FAT2: variants seen among roughly 807,000 people sequenced by gnomAD.
FAT2 encodes the protein FAT atypical cadherin 2, also known as protocadherin Fat 2.
Under a neutral mutation model 295.3 loss-of-function variants are expected in FAT2, and 150 were observed. The ratio of observed to expected loss-of-function variants is 0.51; its 90% CI spans 0.44 to 0.58. The LOEUF is 0.58. FAT2 is among the 20% of genes least tolerant of loss of function. The pLI is 0.00. For synonymous variants in FAT2, 2,026 were observed against 2,150.3 expected (o/e 0.94, Z 1.60); for missense variants, 4,868 against 5,442.7 (o/e 0.89, Z 3.32).
Position 151,551,470 on chromosome 5 carries a change from T to C in FAT2, c.4293A>G (p.Thr1431=), listed in dbSNP as rs1757208313. The part of the protein sequence containing the change: ...EVTDGSRTIA[T]QVHIFMIANI... ...GTCCCCAGCCGAGGCCTCTAACCTG[T>C]GTGGCAATGGTGCGGGACCCATCTG... Residue 1431 remains threonine (T), a synonymous_variant, in exon 7 of 24, where the codon ACA becomes ACG. Coordinates refer to ENST00000261800, the MANE Select transcript of FAT2 (RefSeq NM_001447.3). The C allele has an allele frequency of 7.4e-6, 12 of 1,614,062 alleles. No individual in the cohort carries two copies. The highest frequency in any genetic ancestry group is 1.0e-5 in the Non-Finnish European group (12 of 1,180,012).
chr5:151,538,557 G>A (rs1561844065), intron 11 of FAT2, among the ~76,000 whole-genome samples: 1 of 152,226 alleles, frequency 6.6e-6, no homozygotes, highest in Admixed American at 6.5e-5. Flanking sequence ...AGCTCCCTGA[G>A]AATTCAATTT....
At chr5:151,548,913 C>T (rs1756921634) in intron 9 of FAT2, among the ~76,000 whole-genome samples, 2 of 152,154 alleles carry the variant, frequency 1.3e-5, no homozygotes, top group African/African-American at 2.4e-5. Flanking sequence ...GGAGCCTTAT[C>T]AGAAAATAAA....
At chr5:151,516,740 A>G (rs576448802) in intron 20 of FAT2, among the ~76,000 whole-genome samples, 3 of 152,330 alleles carry the variant, frequency 2.0e-5, no homozygotes, top group African/African-American at 4.8e-5. Context: ...CCTGTCACAT[A>G]GTAGATGCTC....
chr5:151,540,846 G>T, intron 10 of FAT2, 83 bp from the exon 11 acceptor site: 1 of 1,250,600 alleles, frequency 8.0e-7, no homozygotes, highest in Non-Finnish European at 1.1e-6. Context: ...CCCATTGGAT[G>T]CATTTTTTAG....
chr5:151,563,977 C>T (rs927817495), intron 2 of FAT2, among the ~76,000 whole-genome samples: 1 of 152,226 alleles, frequency 6.6e-6, no homozygotes, highest in East Asian at 1.9e-4. Context: ...ATCTATTTCA[C>T]ATTCTGTAAG....
chr5:151,582,373 C>A (rs951538489), intron 1 of FAT2, among the ~76,000 whole-genome samples: 4 of 152,188 alleles, frequency 2.6e-5, no homozygotes, highest in African/African-American at 9.7e-5. Flanking sequence ...TGTTCTCATC[C>A]GCAAAGCTGG....
chr5:151,593,433 C>T (rs921055617), upstream of FAT2, among the ~76,000 whole-genome samples: 3 of 152,126 alleles, frequency 2.0e-5, no homozygotes, highest in Non-Finnish European at 4.4e-5. Context: ...ATCCCCTTCT[C>T]CCCGGCTCCC....
chr5:151,560,379 A>G (rs555747437), intron 3 of FAT2, among the ~76,000 whole-genome samples: 1 of 152,356 alleles, frequency 6.6e-6, no homozygotes, highest in South Asian at 2.1e-4. Context: ...GTCATTATTT[A>G]TAAGCGGTGG....
At chr5:151,514,086 A>T (rs1001440635) in intron 20 of FAT2, among the ~76,000 whole-genome samples, 3 of 152,190 alleles carry the variant, frequency 2.0e-5, no homozygotes, top group African/African-American at 7.2e-5. Context: ...GATCTAACCC[A>T]GTGTTTCTTA....
In FAT2 at chr5:151,549,352, G is replaced by A. The variant is rs1415350317; in HGVS notation, c.4732C>T (p.Arg1578Ter). ...IAPGTELLQV[R>*]AMDADRGVNA... ...ACTCCCCGGTCAGCATCCATGGCTC[G>A]GACCTGCAGCAGCTCTGTGCCGGGG... is the stretch of plus-strand genomic sequence containing the variant. Residue 1578 changes from arginine (R) to a stop codon, truncating the protein, a stop_gained, in exon 9 of 24, where the codon CGA (arginine) becomes TGA (stop). Transcript: ENST00000261800. LOFTEE classifies it high-confidence loss of function. 4.3e-6 allele frequency: 7 copies of A among 1,613,900 alleles called. No individual in the cohort carries two copies. Among genetic ancestry groups the A allele is most frequent in the Non-Finnish European group, 5.9e-6 (7 of 1,180,016 alleles).
chr5:151,551,630 C>T (rs768728921), intron 6 of FAT2, 24 bp from the exon 7 acceptor site: 35 of 1,613,110 alleles, frequency 2.2e-5, no homozygotes, highest in Non-Finnish European at 2.9e-5. Context: ...GGGGAGAAAG[C>T]ACACACAACC....
In FAT2 at chr5:151,531,503, G is replaced by A. The variant is rs2127590707; in HGVS notation, c.9811+84C>T. 6.4e-7 allele frequency: 1 copy of A among 1,562,190 alleles called. No homozygotes were observed. ...TCTGCTCTGGGAGGCGCTGCACAGG[G>A]TAGATACCCACACAGGGGAGGAACC... On this transcript the variant is annotated intron_variant, in intron 14 of 23. Coordinates refer to ENST00000261800, the MANE Select transcript of FAT2 (RefSeq NM_001447.3). This position sits in a 1 kb window ranked among gnomAD's most constrained non-coding sequence, Gnocchi z 5.7.
At chr5:151,581,071 C>A (rs1253680287) in intron 1 of FAT2, among the ~76,000 whole-genome samples, 1 of 152,166 alleles carries the variant, frequency 6.6e-6, no homozygotes, top group African/African-American at 2.4e-5. Flanking sequence ...GAGGTGGAGT[C>A]GCTACAGTCA....
In FAT2 at chr5:151,507,155, C is replaced by T. The variant is rs575183690; in HGVS notation, c.12516G>A (p.Met4172Ile). The T allele has an allele frequency of 6.3e-7, 1 of 1,575,840 alleles. No homozygotes were observed. Among genetic ancestry groups the T allele is most frequent in the African/African-American group, 1.3e-5 (1 of 74,240 alleles). ...VIKRTWSSEEMVYPGGAMVWP... is the reference protein window; with the variant it reads ...VIKRTWSSEEIVYPGGAMVWP... The stretch of plus-strand genomic sequence containing the variant: ...CTAAGCGTCTCTGGCTATACTGACC[C>T]ATCTCCTCGCTGGACCAGGTTCTCT... Residue 4172 changes from methionine (M) to isoleucine (I), a missense_variant and splice_region_variant, in exon 23 of 24, where the codon ATG (methionine) becomes ATA (isoleucine). Physicochemically the swap from Met to Ile is conservative, Grantham distance 10. This residue lies in a region of FAT2 where 492 missense variants were observed against 482.6 expected (regional missense o/e 1.02). Transcript: ENST00000261800.
chr5:151,529,169 G>T lies in FAT2; in HGVS notation c.10026+9C>A. ...TTGTCCCACAAAGAGCAAGGTGGCA[G>T]ATCCTTACCGTGAGGATGACGTCAC... On this transcript the variant is annotated intron_variant, in intron 15 of 23. Transcript: ENST00000261800. 6.2e-7 allele frequency: 1 copy of T among 1,613,226 alleles called. No individual in the cohort carries two copies.
intron 1 of FAT2, among the ~76,000 whole-genome samples, chr5:151,580,598 C>A (rs1046608351): frequency 6.6e-6 from 1 of 152,180 alleles, no homozygotes; most frequent in Admixed American, 6.5e-5. Flanking sequence ...CACGCGTGCT[C>A]GCACACACAC....
intron 1 of FAT2, among the ~76,000 whole-genome samples, chr5:151,586,218 A>C (rs1361230457): frequency 6.6e-6 from 1 of 152,252 alleles, no homozygotes; most frequent in African/African-American, 2.4e-5. Context: ...TGCTGACGTT[A>C]CTGTACCACT....
At chr5:151,522,319 C>T (rs1753556200) in intron 18 of FAT2, among the ~76,000 whole-genome samples, 2 of 148,344 alleles carry the variant, frequency 1.3e-5, no homozygotes, top group Admixed American at 1.3e-4. Context: ...CATCCTATAC[C>T]ATGCAGTAAA....
intron 9 of FAT2, among the ~76,000 whole-genome samples, chr5:151,547,699 G>T (rs1756772977): frequency 6.6e-6 from 1 of 152,148 alleles, no homozygotes; most frequent in Non-Finnish European, 1.5e-5. Flanking sequence ...ATTAAAAGCA[G>T]CTAAGTCAAC....
Sources: allele counts gnomAD v4.1 joint callset (sites outside exome capture counted in the v4.1 genomes callset), GRCh38; gene constraint gnomAD v4.1.1; regional missense constraint gnomAD v4.1.1; non-coding constraint Gnocchi (gnomAD v3.1); transcripts MANE v1.5; gene names NCBI Gene and HGNC (gene_info 2026-07-23, HGNC 2026-07-21).